The following ZC3H12B variants were observed in gnomAD, a reference collection of about 807,000 sequenced individuals.
ZC3H12B encodes zinc finger CCCH-type containing 12B.
In ZC3H12B, 7 loss-of-function variants were observed where a neutral mutation model predicts 43.9. That is an observed-to-expected ratio of 0.16 (90% CI 0.09 to 0.30). The LOEUF is 0.30. Ranked by LOEUF, ZC3H12B falls within the 10% of genes least tolerant of loss-of-function variation. ZC3H12B has a pLI of 1.00. For missense variants in ZC3H12B, 475 were observed against 670.2 expected, an observed-to-expected ratio of 0.71 and a Z score of 3.22; for synonymous variants, 222 against 241.7, an observed-to-expected ratio of 0.92 and a Z score of 0.76.
the ZC3H12B span, among the ~76,000 whole-genome samples, chrX:65,073,196 A>G: frequency 1.8e-5 from 2 of 112,842 alleles, no homozygotes; most frequent in East Asian, 2.8e-4. Context: ...ACACACACAC[A>G]CACGCATGCA....
the ZC3H12B span, among the ~76,000 whole-genome samples, chrX:65,041,117 A>G: frequency 2.7e-5 from 3 of 112,452 alleles, no homozygotes; most frequent in African/African-American, 9.7e-5. Flanking sequence ...CCTTTCTACT[A>G]TCTTGTTTTT....
At chrX:65,402,267 G>A (rs762230221) in intron 3 of ZC3H12B, among the ~76,000 whole-genome samples, 1 of 111,809 alleles carries the variant, frequency 8.9e-6, no homozygotes, top group East Asian at 2.8e-4. Context: ...AGAACTGTGT[G>A]TCATGGTTTC....
At chrX:65,197,190 C>G in the ZC3H12B span, among the ~76,000 whole-genome samples, 1 of 111,858 alleles carries the variant, frequency 8.9e-6, no homozygotes, top group Non-Finnish European at 1.9e-5. Context: ...TCCGCCCTGG[C>G]CGGCAACAGC....
chrX:65,092,607 G>T, the ZC3H12B span, among the ~76,000 whole-genome samples: 1 of 111,870 alleles, frequency 8.9e-6, no homozygotes, highest in Admixed American at 9.5e-5. Flanking sequence ...GTAGGGATCT[G>T]TGGAAATTTG....
At chrX:65,121,501 C>A in the ZC3H12B span, among the ~76,000 whole-genome samples, 1 of 111,465 alleles carries the variant, frequency 9.0e-6, no homozygotes, top group African/African-American at 3.3e-5. Context: ...GTGATATCCA[C>A]TTTATTATTT....
upstream of ZC3H12B, among the ~76,000 whole-genome samples, chrX:65,364,262 T>G (rs1454993432): frequency 9.0e-6 from 1 of 110,903 alleles, no homozygotes; most frequent in Admixed American, 9.6e-5. Context: ...GAACTACATG[T>G]CAATGTTTAT....
At chrX:65,117,678 G>T in the ZC3H12B span, among the ~76,000 whole-genome samples, 4 of 111,410 alleles carry the variant, frequency 3.6e-5, no homozygotes, top group African/African-American at 1.3e-4. Flanking sequence ...TTTCTTCTAG[G>T]GTTTTTATGC....
chrX:65,433,977 T>A (rs1381855452), intron 3 of ZC3H12B, among the ~76,000 whole-genome samples: 1 of 111,923 alleles, frequency 8.9e-6, no homozygotes, highest in Non-Finnish European at 1.9e-5. Context: ...AGGCTTTTTA[T>A]CTATTTCACT....
At chrX:65,267,635 A>G in the ZC3H12B span, among the ~76,000 whole-genome samples, 1 of 111,601 alleles carries the variant, frequency 9.0e-6, no homozygotes, top group Non-Finnish European at 1.9e-5. Context: ...AACCACCAGA[A>G]CAATGTCTCA....
the ZC3H12B span, among the ~76,000 whole-genome samples, chrX:65,039,889 A>G: frequency 1.8e-5 from 2 of 111,399 alleles, no homozygotes; most frequent in Non-Finnish European, 3.8e-5. Context: ...CTTCTGGAAT[A>G]AAAGTAGGGA....
the ZC3H12B span, among the ~76,000 whole-genome samples, chrX:65,260,073 A>C: frequency 1.6e-4 from 18 of 111,286 alleles, no homozygotes; most frequent in Admixed American, 4.8e-4. Flanking sequence ...ACTCGTGGGA[A>C]AGGGTAGGAA....
chrX:65,132,901 T>C, the ZC3H12B span, among the ~76,000 whole-genome samples: 1 of 111,623 alleles, frequency 9.0e-6, no homozygotes, highest in Non-Finnish European at 1.9e-5. Flanking sequence ...GCGTCAGTCT[T>C]CAGCCGTTAA....
At chrX:65,351,656 G>A in the ZC3H12B span, among the ~76,000 whole-genome samples, 16 of 112,506 alleles carry the variant, frequency 1.4e-4, no homozygotes, top group African/African-American at 5.2e-4. Flanking sequence ...AGTGGGTGAA[G>A]GATATGAACA....
the ZC3H12B span, among the ~76,000 whole-genome samples, chrX:65,119,472 C>T: frequency 3.6e-5 from 4 of 111,786 alleles, no homozygotes; most frequent in Non-Finnish European, 7.5e-5. Context: ...CCGTTCATAT[C>T]CTTCATTCAC....
At chrX:65,288,936 A>G in the ZC3H12B span, among the ~76,000 whole-genome samples, 1 of 111,709 alleles carries the variant, frequency 9.0e-6, no homozygotes, top group Non-Finnish European at 1.9e-5. Flanking sequence ...TAGCATTTTT[A>G]TACATTAAAA....
At chrX:65,111,724 C>CT in the ZC3H12B span, among the ~76,000 whole-genome samples, 1 of 109,680 alleles carries the variant, frequency 9.1e-6, no homozygotes, top group African/African-American at 3.3e-5. Context: ...ATCTTTGATG[C>CT]TATATTCTAA....
the ZC3H12B span, among the ~76,000 whole-genome samples, chrX:65,237,094 G>A: frequency 8.9e-6 from 1 of 111,909 alleles, no homozygotes; most frequent in African/African-American, 3.2e-5. Flanking sequence ...AATGTCAATG[G>A]TATTTTAGTG....
chrX:65,090,007 A>G, the ZC3H12B span, among the ~76,000 whole-genome samples: 2 of 112,343 alleles, frequency 1.8e-5, no homozygotes, highest in East Asian at 2.8e-4. Flanking sequence ...ACTTTTAAAA[A>G]TAAGTAGATG....
At chrX:65,056,498 C>A in the ZC3H12B span, among the ~76,000 whole-genome samples, 42 of 111,635 alleles carry the variant, frequency 3.8e-4, no homozygotes, top group African/African-American at 1.3e-3. Flanking sequence ...CTGAGGAATG[C>A]TTTACTTCCA....
Sources: gnomAD v4.1 joint callset for allele counts (sites outside exome capture counted in the v4.1 genomes callset) on GRCh38, gnomAD v4.1.1 for gene constraint, MANE v1.5 for transcripts, NCBI Gene and HGNC (gene_info 2026-07-23, HGNC 2026-07-21) for gene names.